USP54: variants seen among roughly 807,000 people sequenced by gnomAD.
USP54 encodes the protein ubiquitin specific peptidase 54.
In USP54, 87 loss-of-function variants were observed where a neutral mutation model predicts 170.5. That is an observed-to-expected ratio of 0.51 (90% CI 0.43 to 0.61). USP54 has a LOEUF of 0.61. Among genes scored for constraint, USP54 ranks in the 20% least tolerant of loss-of-function variants. The pLI is 0.00. For missense variants in USP54, 1,786 were observed against 2,047.8 expected (o/e 0.87, Z 2.47); for synonymous variants, 655 against 742.8 (o/e 0.88, Z 1.92).
chr10:73,568,795 T>C (rs1032006490), intron 4 of USP54, among the ~76,000 whole-genome samples: 13 of 152,158 alleles, frequency 8.5e-5, no homozygotes, highest in African/African-American at 3.1e-4. Flanking sequence ...CACAAGCAAC[T>C]GTCTCTCTGA....
At chr10:73,615,924 AG>A (rs1255391945) in intron 1 of USP54, among the ~76,000 whole-genome samples, 2 of 148,194 alleles carry the variant, frequency 1.3e-5, no homozygotes, top group African/African-American at 2.6e-5. Flanking sequence ...AAAAAAAAAA[AG>A]GCCCAGCACA....
intron 7 of USP54, among the ~76,000 whole-genome samples, chr10:73,542,566 C>T (rs759039672): frequency 6.6e-6 from 1 of 152,014 alleles, no homozygotes; most frequent in Non-Finnish European, 1.5e-5. Context: ...CTGCTAAAAA[C>T]ACAAAAAAAT....
At chr10:73,614,924 T>C (rs2080494759) in intron 1 of USP54, among the ~76,000 whole-genome samples, 1 of 150,442 alleles carries the variant, frequency 6.6e-6, no homozygotes, top group African/African-American at 2.5e-5. Flanking sequence ...CTACAGATGA[T>C]GCAACAGATT....
At chr10:73,537,621 T>C (rs1462931607) in intron 10 of USP54, among the ~76,000 whole-genome samples, 1 of 152,028 alleles carries the variant, frequency 6.6e-6, no homozygotes, top group Non-Finnish European at 1.5e-5. Flanking sequence ...CAAAGAATAA[T>C]TTACAGCAGC....
At chr10:73,543,957 T>C (rs2067186266) in intron 5 of USP54, among the ~76,000 whole-genome samples, 1 of 152,024 alleles carries the variant, frequency 6.6e-6, no homozygotes, top group African/African-American at 2.4e-5. Context: ...TTTTTTTTTT[T>C]TTTGAGACAC....
chr10:73,621,834 T>C (rs1398108287), intron 1 of USP54, among the ~76,000 whole-genome samples: 1 of 152,192 alleles, frequency 6.6e-6, no homozygotes, highest in Non-Finnish European at 1.5e-5. Context: ...ATTCTCTATA[T>C]AACAATACAA....
At chr10:73,625,843 C>T (rs1441382535), upstream of USP54, 1 of 152,446 alleles carries the variant, frequency 6.6e-6, no homozygotes, top group Non-Finnish European at 1.5e-5. Context: ...GTCCATTCCT[C>T]CCGCGACCTA....
chr10:73,503,904 T>C (rs766708945), intron 22 of USP54, among the ~76,000 whole-genome samples: 37 of 152,082 alleles, frequency 2.4e-4, no homozygotes, highest in Non-Finnish European at 5.1e-4. Flanking sequence ...GGCTAATTTT[T>C]ATATTTTTGC....
Position 73,620,350 on chromosome 10 carries a change from T to C in USP54, c.-18+5217A>G, listed in dbSNP as rs1219195595. Among the ~76,000 whole-genome samples the C allele has an allele frequency of 2.7e-5, 4 of 149,818 alleles. 1 individual carries two copies. The highest frequency in any genetic ancestry group is 1.0e-4 in the African/African-American group (4 of 39,450). ...GAAAGAAAGAAAAAAGAAAGTTCTCTAGGCTTTAGTTTCCTCAATATAAAA... is the reference window on the plus strand; with the variant it reads ...GAAAGAAAGAAAAAAGAAAGTTCTCCAGGCTTTAGTTTCCTCAATATAAAA... On this transcript the variant is annotated intron_variant, in intron 1 of 22. Transcript: ENST00000339859.
At chr10:73,566,742 CA>C in intron 4 of USP54, among the ~76,000 whole-genome samples, 1 of 151,198 alleles carries the variant, frequency 6.6e-6, no homozygotes, top group African/African-American at 2.4e-5. Flanking sequence ...AAAAAACAAA[CA>C]AAAAAACAAA....
At chr10:73,502,924 A>G (rs1488249251) in intron 22 of USP54, among the ~76,000 whole-genome samples, 1 of 152,124 alleles carries the variant, frequency 6.6e-6, no homozygotes, top group Non-Finnish European at 1.5e-5. Flanking sequence ...CCTCAAATAT[A>G]TCATTATCTA....
At chr10:73,544,067 C>T (rs1477931773) in intron 5 of USP54, among the ~76,000 whole-genome samples, 1 of 152,034 alleles carries the variant, frequency 6.6e-6, no homozygotes, top group African/African-American at 2.4e-5. Flanking sequence ...CTCAGCCTCC[C>T]AAGTAGCTGG....
intron 12 of USP54, among the ~76,000 whole-genome samples, chr10:73,531,757 T>C (rs2064017783): frequency 6.6e-6 from 1 of 152,344 alleles, no homozygotes; most frequent in South Asian, 2.1e-4. Flanking sequence ...AGTTCCTTAA[T>C]ACTAATCACT....
chr10:73,516,315 C>T lies in USP54; in HGVS notation c.4051+60G>A, dbSNP rs1399925178. 3.3e-6 allele frequency: 5 copies of T among 1,530,220 alleles called. No homozygotes were observed. The African/African-American group carries it at 6.9e-5, about 21-fold the overall frequency. The allele number at this position is 1,530,220 out of a possible 1,614,324, so 94.8% of individuals were successfully genotyped here. ...ATAGAACACTCCCTTCTGATCTTTC[C>T]CTGCTTTCAGCTTTTATATGATCCT... On this transcript the variant is annotated intron_variant, in intron 20 of 23. Transcript: ENST00000687698.
intron 1 of USP54, among the ~76,000 whole-genome samples, chr10:73,579,248 G>A (rs966843252): frequency 6.6e-6 from 1 of 152,016 alleles, no homozygotes; most frequent in African/African-American, 2.4e-5. Flanking sequence ...ACTGCACCCG[G>A]ACAAAGATTC....
chr10:73,531,446 T>C (rs2063951512), intron 12 of USP54, among the ~76,000 whole-genome samples: 1 of 152,172 alleles, frequency 6.6e-6, no homozygotes, highest in African/African-American at 2.4e-5. Flanking sequence ...GGCAAAAGTT[T>C]TAAAGATTAT....
intron 3 of USP54, 130 bp downstream of exon 3, chr10:73,575,382 T>C (rs1336921409): frequency 1.8e-6 from 2 of 1,087,960 alleles, no homozygotes; most frequent in South Asian, 2.6e-5. Flanking sequence ...CACAGATAAA[T>C]GTAAAAATTA....
chr10:73,546,072 T>G (rs1484872326), intron 4 of USP54, among the ~76,000 whole-genome samples: 2 of 152,232 alleles, frequency 1.3e-5, no homozygotes, highest in African/African-American at 4.8e-5. Context: ...TTGACCCCCT[T>G]TCTTTTAAAA....
chr10:73,603,625 G>A (rs1397377379), intron 1 of USP54, among the ~76,000 whole-genome samples: 1 of 152,204 alleles, frequency 6.6e-6, no homozygotes, highest in Non-Finnish European at 1.5e-5. Context: ...GCGCACACCT[G>A]TAATGCCAGC....
Sources: gnomAD v4.1 joint callset for allele counts (sites outside exome capture counted in the v4.1 genomes callset) on GRCh38, gnomAD v4.1.1 for gene constraint, MANE v1.5 for transcripts, NCBI Gene and HGNC (gene_info 2026-07-23, HGNC 2026-07-21) for gene names.